The following SORCS2 variants were observed in gnomAD, a reference collection of about 807,000 sequenced individuals.
The protein encoded by SORCS2 is sortilin related VPS10 domain containing receptor 2.
A neutral mutation model predicts 141.6 loss-of-function variants in SORCS2; 100 were observed. That is an observed-to-expected ratio of 0.71 (90% CI 0.60 to 0.83). The LOEUF is 0.83. Among genes scored for constraint, SORCS2 ranks in the 40% least tolerant of loss-of-function variants. The pLI is 0.00. For synonymous variants in SORCS2, 789 were observed against 676.9 expected, an observed-to-expected ratio of 1.17 and a Z score of -2.57; for missense variants, 1,646 against 1,560.2, an observed-to-expected ratio of 1.05 and a Z score of -0.93.
chr4:7,718,048 G>A lies in SORCS2; in HGVS notation c.2289G>A (p.Gly763=). ...RKVVSNVCEG[G]VDMQQSQVQL... Reference sequence around the variant, plus strand: ...TGGTGTCCAACGTGTGTGAGGGTGGGGTGGACATGCAGCAGAGTCAGGTGC... The same window carrying A: ...TGGTGTCCAACGTGTGTGAGGGTGGAGTGGACATGCAGCAGAGTCAGGTGC... The change falls in exon 18 of 27, where the codon GGG becomes GGA. Residue 763 remains glycine, a synonymous_variant. Coordinates refer to ENST00000507866, the MANE Select transcript of SORCS2 (RefSeq NM_020777.3). 1 of 1,608,882 alleles carries A rather than the reference G, an allele frequency of 6.2e-7. No individual in the cohort carries two copies. Among genetic ancestry groups the A allele is most frequent in the Non-Finnish European group, 8.5e-7 (1 of 1,177,658 alleles).
At chr4:7,197,828 G>C (rs1481952915) in intron 1 of SORCS2, among the ~76,000 whole-genome samples, 1 of 152,198 alleles carries the variant, frequency 6.6e-6, no homozygotes, top group Non-Finnish European at 1.5e-5. Flanking sequence ...GCCTGCCCGG[G>C]TCTGTATCCT....
intron 25 of SORCS2, among the ~76,000 whole-genome samples, chr4:7,734,750 A>C (rs2148900088): frequency 6.6e-6 from 1 of 152,198 alleles, no homozygotes; most frequent in East Asian, 1.9e-4. Flanking sequence ...ACAGACGGCC[A>C]GCCTCAGAAC....
At chr4:7,576,593 G>A (rs755865000) in intron 3 of SORCS2, among the ~76,000 whole-genome samples, 1 of 152,202 alleles carries the variant, frequency 6.6e-6, no homozygotes, top group Non-Finnish European at 1.5e-5. Flanking sequence ...AAGACCCAAA[G>A]AGCTGGTGCT....
chr4:7,677,997 C>T (rs990781248), intron 9 of SORCS2, among the ~76,000 whole-genome samples: 6 of 152,184 alleles, frequency 3.9e-5, no homozygotes, highest in African/African-American at 7.2e-5. Flanking sequence ...TGGGACTCCA[C>T]GGCCAACCTG....
At chr4:7,646,980 C>A (rs1721124624) in intron 4 of SORCS2, among the ~76,000 whole-genome samples, 1 of 152,224 alleles carries the variant, frequency 6.6e-6, no homozygotes, top group African/African-American at 2.4e-5. Flanking sequence ...GAACAGGGCC[C>A]AGGGCAACCA....
At chr4:7,396,187 T>TAG (rs1168682933) in intron 1 of SORCS2, 101 bp from the exon 2 acceptor site, 1 of 1,138,072 alleles carries the variant, frequency 8.8e-7, no homozygotes, top group East Asian at 2.5e-5. Context: ...GGCTGTTATT[T>TAG]AGAGACCCCA....
intron 2 of SORCS2, among the ~76,000 whole-genome samples, chr4:7,526,576 T>C (rs890157701): frequency 6.6e-6 from 1 of 152,146 alleles, no homozygotes; most frequent in Admixed American, 6.5e-5. Flanking sequence ...CTCCGTATGA[T>C]ACCACAGTTG....
intron 3 of SORCS2, among the ~76,000 whole-genome samples, chr4:7,604,312 ATGTT>A (rs1332147935): frequency 2.0e-5 from 3 of 152,036 alleles, no homozygotes; most frequent in East Asian, 1.9e-4. Flanking sequence ...CACTATGGTG[ATGTT>A]TGTTTGTTGG....
chr4:7,200,045 G>A (rs111904036), intron 1 of SORCS2, among the ~76,000 whole-genome samples: 249 of 152,194 alleles, frequency 1.6e-3, no homozygotes, highest in South Asian at 5.0e-3. Flanking sequence ...GATTGTCTTC[G>A]GTTGCCCCGC....
chr4:7,677,111 C>G (rs1723217425), intron 9 of SORCS2, among the ~76,000 whole-genome samples: 1 of 152,104 alleles, frequency 6.6e-6, no homozygotes, highest in African/African-American at 2.4e-5. Context: ...TCCACCCTCC[C>G]TGCTGCCACT....
chr4:7,224,553 G>T (rs1303143398), intron 1 of SORCS2, among the ~76,000 whole-genome samples: 2 of 152,220 alleles, frequency 1.3e-5, no homozygotes, highest in Non-Finnish European at 2.9e-5. Context: ...AGTGTATTAG[G>T]TGCTACACAC....
At chr4:7,277,742 G>C (rs992385154) in intron 1 of SORCS2, among the ~76,000 whole-genome samples, 1 of 152,270 alleles carries the variant, frequency 6.6e-6, no homozygotes, top group East Asian at 1.9e-4. Context: ...GCCCATCCTG[G>C]GATGCTCAGA....
At chr4:7,410,949 C>CTTTT (rs5855962) in intron 2 of SORCS2, among the ~76,000 whole-genome samples, 1,340 of 73,820 alleles carry the variant, frequency 0.018, 77 homozygotes, top group Non-Finnish European at 0.021. Flanking sequence ...TCTCTCCATC[C>CTTTT]TTTTTTTTTT....
At chr4:7,196,763 T>G (rs1727194692) in intron 1 of SORCS2, among the ~76,000 whole-genome samples, 1 of 152,168 alleles carries the variant, frequency 6.6e-6, no homozygotes, top group Non-Finnish European at 1.5e-5. Flanking sequence ...CTCTCTGTTC[T>G]GCAATCTTGA....
intron 5 of SORCS2, among the ~76,000 whole-genome samples, chr4:7,661,106 T>C (rs541766049): frequency 4.6e-5 from 7 of 152,320 alleles, no homozygotes; most frequent in South Asian, 4.1e-4. Context: ...CCTGTAGTCA[T>C]TTTAGATGAT....
chr4:7,243,927 G>A (rs1000996562), intron 1 of SORCS2, among the ~76,000 whole-genome samples: 1 of 152,222 alleles, frequency 6.6e-6, no homozygotes, highest in Admixed American at 6.5e-5. Flanking sequence ...CCCGATGGTG[G>A]GATTCCGGTG....
chr4:7,540,045 ACCCCCT>A (rs1712474742), intron 3 of SORCS2, among the ~76,000 whole-genome samples: 1 of 13,122 alleles, frequency 7.6e-5, no homozygotes, highest in Admixed American at 7.1e-4. Flanking sequence ...TGGAGGCCCC[ACCCCCT>A]GCCTGTCGTG....
At chr4:7,690,805 A>T (rs1577078611) in intron 11 of SORCS2, among the ~76,000 whole-genome samples, 1 of 152,200 alleles carries the variant, frequency 6.6e-6, no homozygotes, top group Admixed American at 6.5e-5. Flanking sequence ...GGGGGGAGAA[A>T]AACAAGTATA....
At chr4:7,281,132 A>G (rs1486905095) in intron 1 of SORCS2, among the ~76,000 whole-genome samples, 1 of 152,090 alleles carries the variant, frequency 6.6e-6, no homozygotes, top group Admixed American at 6.5e-5. Context: ...CCCAGCAGAA[A>G]ACACCCGGAG....
Sources: gnomAD v4.1 joint callset for allele counts (sites outside exome capture counted in the v4.1 genomes callset) on GRCh38, gnomAD v4.1.1 for gene constraint, MANE v1.5 for transcripts, NCBI Gene and HGNC (gene_info 2026-07-23, HGNC 2026-07-21) for gene names.